UBE2D2: variants seen among roughly 807,000 people sequenced by gnomAD.
The protein encoded by UBE2D2 is ubiquitin conjugating enzyme E2 D2.
A neutral mutation model predicts 24.2 loss-of-function variants in UBE2D2; 2 were observed. The observed-to-expected ratio is 0.08, with a 90% CI of 0.03 to 0.26. The LOEUF (loss-of-function observed/expected upper bound fraction) is 0.26. Ranked by LOEUF, UBE2D2 falls within the 10% of genes least tolerant of loss-of-function variation. The probability of loss-of-function intolerance (pLI) is 1.00; values close to 1 mark genes in which losing one functional copy is unlikely to be tolerated. For missense variants in UBE2D2, 44 were observed against 177.6 expected (o/e 0.25, Z 4.28); for synonymous variants, 58 against 56.5 (o/e 1.03, Z -0.12).
chr5:139,562,378 A>G (rs1449570512), intron 1 of UBE2D2: 1 of 1,330,674 alleles, frequency 7.5e-7, no homozygotes, highest in African/African-American at 1.5e-5. Context: ...GAAACTGTTA[A>G]GAGTTGGAAG....
At chr5:139,543,513 GTCC>G (rs1752784069) in intron 1 of UBE2D2, among the ~76,000 whole-genome samples, 1 of 152,180 alleles carries the variant, frequency 6.6e-6, no homozygotes, top group Non-Finnish European at 1.5e-5. Context: ...GTTCTGGTTG[GTCC>G]TGGCCTTACC....
intron 1 of UBE2D2, among the ~76,000 whole-genome samples, chr5:139,577,156 T>C (rs1445588843): frequency 1.3e-5 from 2 of 151,978 alleles, no homozygotes; most frequent in Non-Finnish European, 1.5e-5. Context: ...TAGGTTAGTG[T>C]TGGAGAATTT....
At chr5:139,608,170 G>A (rs1013512634) in intron 2 of UBE2D2, among the ~76,000 whole-genome samples, 2 of 152,034 alleles carry the variant, frequency 1.3e-5, no homozygotes, top group Admixed American at 6.6e-5. Flanking sequence ...GGTAGCTCAC[G>A]GCTGTAATCC....
intron 2 of UBE2D2, among the ~76,000 whole-genome samples, chr5:139,603,492 G>A (rs889829331): frequency 3.3e-5 from 5 of 151,848 alleles, no homozygotes; most frequent in Non-Finnish European, 4.4e-5. Context: ...GCGCGGTGGC[G>A]CCTGCCTATA....
At chr5:139,575,348 T>C (rs1159198428) in intron 1 of UBE2D2, among the ~76,000 whole-genome samples, 2 of 152,180 alleles carry the variant, frequency 1.3e-5, no homozygotes, top group Non-Finnish European at 2.9e-5. Context: ...ATGCCAATAA[T>C]GTTGACCTAC....
At chr5:139,528,987 A>G (rs1242820098) in intron 1 of UBE2D2, among the ~76,000 whole-genome samples, 1 of 152,192 alleles carries the variant, frequency 6.6e-6, no homozygotes, top group Non-Finnish European at 1.5e-5. Flanking sequence ...AGCATGAGGA[A>G]ACTCATTGCG....
chr5:139,574,707 C>G (rs968725142), intron 1 of UBE2D2, among the ~76,000 whole-genome samples: 2 of 138,126 alleles, frequency 1.4e-5, no homozygotes, highest in African/African-American at 5.5e-5. Context: ...CAACAACATT[C>G]AGTGAATGCC....
intron 2 of UBE2D2, among the ~76,000 whole-genome samples, chr5:139,600,984 G>A (rs1581521531): frequency 1.3e-5 from 2 of 152,210 alleles, no homozygotes; most frequent in South Asian, 4.1e-4. Flanking sequence ...TGTATTTTTA[G>A]TAGATTCGTG....
At chr5:139,595,188 C>G (rs1194215790) in intron 1 of UBE2D2, among the ~76,000 whole-genome samples, 1 of 152,148 alleles carries the variant, frequency 6.6e-6, no homozygotes, top group African/African-American at 2.4e-5. Flanking sequence ...TTAAAGCCAA[C>G]TGTTAAAACA....
At chr5:139,609,327 G>C (rs1378617648) in intron 2 of UBE2D2, among the ~76,000 whole-genome samples, 1 of 151,902 alleles carries the variant, frequency 6.6e-6, no homozygotes, top group East Asian at 1.9e-4. Flanking sequence ...TGAACTGCTT[G>C]AGCCCAGGAG....
At chr5:139,549,101 GC>G (rs913835238) in intron 1 of UBE2D2, among the ~76,000 whole-genome samples, 1 of 152,112 alleles carries the variant, frequency 6.6e-6, no homozygotes, top group Admixed American at 6.5e-5. Context: ...GCCTGCCTCT[GC>G]CTCCCAAAGT....
intron 1 of UBE2D2, among the ~76,000 whole-genome samples, chr5:139,578,434 TTGTG>T (rs34697798): frequency 0.074 from 10,742 of 144,912 alleles, 402 homozygotes; most frequent in South Asian, 0.12. Flanking sequence ...GTTTTGTGTT[TTGTG>T]TGTGTGTGTG....
rs1262041782 is a variant in UBE2D2, at chr5:139,561,347, C to G, written c.-445C>G. 2 of 159,092 alleles carry G rather than the reference C, an allele frequency of 1.3e-5. No homozygotes were observed. Among genetic ancestry groups the G allele is most frequent in the African/African-American group, 4.8e-5 (2 of 41,692 alleles). The allele number at this position is 159,092 out of a possible 1,614,324, so 9.9% of individuals were successfully genotyped here. A position where few individuals can be genotyped will look rare whatever the true frequency, so the allele number is the denominator to read the frequency against. On this transcript the variant is annotated 5_prime_UTR_variant, in exon 1 of 7. Transcript: ENST00000398733. ...CCACCCCGTGCTCCGACGGCCCCAC[C>G]CCGGCGGCGCAGCCCGCCCGCCCGC...
At chr5:139,610,248 A>C (rs971707518) in intron 2 of UBE2D2, among the ~76,000 whole-genome samples, 1 of 152,182 alleles carries the variant, frequency 6.6e-6, no homozygotes, top group Non-Finnish European at 1.5e-5. Context: ...AGTTGCCATC[A>C]ATAAAAATTT....
chr5:139,614,530 G>A, intron 2 of UBE2D2, 56 bp from the exon 3 acceptor site: 1 of 1,585,354 alleles, frequency 6.3e-7, no homozygotes, highest in Non-Finnish European at 8.6e-7. Flanking sequence ...TGTTACTATG[G>A]CGTAGATACA....
chr5:139,557,289 C>A (rs941798838), upstream of UBE2D2, among the ~76,000 whole-genome samples: 4 of 151,848 alleles, frequency 2.6e-5, no homozygotes, highest in Non-Finnish European at 5.9e-5. Flanking sequence ...AGCACCACCA[C>A]GCCTGGCTAA....
chr5:139,591,587 T>C (rs1043318696), intron 1 of UBE2D2, among the ~76,000 whole-genome samples: 1 of 152,118 alleles, frequency 6.6e-6, no homozygotes, highest in African/African-American at 2.4e-5. Flanking sequence ...AAGGCAACAA[T>C]ATTAAGAGAG....
At chr5:139,570,850 G>A (rs1753339653) in intron 1 of UBE2D2, among the ~76,000 whole-genome samples, 1 of 152,034 alleles carries the variant, frequency 6.6e-6, no homozygotes, top group Admixed American at 6.6e-5. Flanking sequence ...ACCACCCCCG[G>A]CTTTCTGCAT....
intron 1 of UBE2D2, among the ~76,000 whole-genome samples, chr5:139,576,681 ATTACTGTAG>A (rs2126660634): frequency 6.6e-6 from 1 of 152,072 alleles, no homozygotes; most frequent in African/African-American, 2.4e-5. Flanking sequence ...AATTCTTTTT[ATTACTGTAG>A]TAGATGATAC....
Sources: allele counts gnomAD v4.1 joint callset (sites outside exome capture counted in the v4.1 genomes callset), GRCh38; gene constraint gnomAD v4.1.1; transcripts MANE v1.5; gene names NCBI Gene and HGNC (gene_info 2026-07-23, HGNC 2026-07-21).